The following SLC18B1 variants were observed in gnomAD, a reference collection of about 807,000 sequenced individuals.
The protein encoded by SLC18B1 is MFS-type transporter SLC18B1.
A neutral mutation model predicts 53.9 loss-of-function variants in SLC18B1; 62 were observed. That is an observed-to-expected ratio of 1.15 (90% CI 0.94 to 1.42). The LOEUF is 1.42. Ranked by LOEUF, SLC18B1 falls within the 40% of genes most tolerant of loss-of-function variation. The pLI is 0.00. For missense variants in SLC18B1, 598 were observed against 547.3 expected, an observed-to-expected ratio of 1.09 and a Z score of -0.93; for synonymous variants, 217 against 200.9, an observed-to-expected ratio of 1.08 and a Z score of -0.68.
chr6:132,772,274 A>C lies in SLC18B1; in HGVS notation c.1086-68T>G, dbSNP rs1431307944. Reference sequence around the variant, plus strand: ...CCTGTGTGAAAGAAAAAATTGTATGATAGATCAATTAAGATAAACCAAGGA... The same window carrying C: ...CCTGTGTGAAAGAAAAAATTGTATGCTAGATCAATTAAGATAAACCAAGGA... On this transcript the variant is annotated intron_variant, in intron 10 of 13. Coordinates refer to ENST00000275227, the MANE Select transcript of SLC18B1 (RefSeq NM_052831.3). 3.2e-6 allele frequency: 3 copies of C among 933,894 alleles called. No individual in the cohort carries two copies. The East Asian group carries it at 8.5e-5, about 26-fold the overall frequency. 57.9% of individuals were successfully genotyped at this position (933,894 alleles called of 1,614,324 possible).
At chr6:132,776,494 T>C in intron 7 of SLC18B1, 65 bp from the exon 8 acceptor site, 1 of 1,161,654 alleles carries the variant, frequency 8.6e-7, no homozygotes, top group Non-Finnish European at 1.3e-6. Context: ...ATCCCTCTTT[T>C]CCCTCTACCA....
intron 7 of SLC18B1, 150 bp downstream of exon 7, chr6:132,779,118 G>A (rs1171721095): frequency 1.4e-5 from 11 of 759,610 alleles, no homozygotes; most frequent in Non-Finnish European, 2.2e-5. Flanking sequence ...CACAGGGACG[G>A]TAGAGAGGGA....
intron 2 of SLC18B1, 150 bp downstream of exon 2, chr6:132,796,832 G>T: frequency 1.4e-6 from 1 of 722,980 alleles, no homozygotes. Flanking sequence ...CATTCTATAA[G>T]AAGTATTCTA....
Position 132,790,394 on chromosome 6 carries a change from G to A in SLC18B1, c.184-122C>T, listed in dbSNP as rs1474093743. 5 of 583,624 alleles carry A rather than the reference G, an allele frequency of 8.6e-6. No individual in the cohort carries two copies. The Admixed American group carries it at 1.9e-4, about 22-fold the overall frequency. 36.2% of individuals were successfully genotyped at this position (583,624 alleles called of 1,614,324 possible). ...TTTATCTGTATATCAGTTTCAAAAA[G>A]ATTATTCTTTTAAAATAAATGGGGT... On this transcript the variant is annotated intron_variant, in intron 2 of 13. Transcript: ENST00000275227.
chr6:132,798,448 C>G lies in SLC18B1; in HGVS notation c.9G>C (p.Ala3=), dbSNP rs767357183. The G allele has an allele frequency of 3.3e-6, 5 of 1,524,788 alleles. No individual in the cohort carries two copies. The highest frequency in any genetic ancestry group is 2.4e-5 in the South Asian group (2 of 81,984). The allele number at this position is 1,524,788 out of a possible 1,614,324, so 94.5% of individuals were successfully genotyped here. ...CGCGTGGTCCCTCCAGGTCACCCAG[C>G]GCCTCCATCCCCGGTGCGTGGACTC... The part of the protein sequence containing the change: ME[A]LGDLEGPRAP... Residue 3 remains alanine (A), a synonymous_variant, in exon 1 of 14, where the codon GCG becomes GCC. Transcript: ENST00000275227.
chr6:132,791,311 C>G (rs1041265174), intron 2 of SLC18B1, among the ~76,000 whole-genome samples: 1 of 152,186 alleles, frequency 6.6e-6, no homozygotes, highest in African/African-American at 2.4e-5. Flanking sequence ...CTTCATAATA[C>G]AGAAATGCAC....
intron 2 of SLC18B1, among the ~76,000 whole-genome samples, chr6:132,795,264 C>G (rs1781646242): frequency 6.6e-6 from 1 of 151,918 alleles, no homozygotes; most frequent in Non-Finnish European, 1.5e-5. Flanking sequence ...TTTTCACTCC[C>G]AAAGGGCAGA....
At chr6:132,798,334 A>T in intron 1 of SLC18B1, 80 bp downstream of exon 1, 1 of 1,396,422 alleles carries the variant, frequency 7.2e-7, no homozygotes, top group Non-Finnish European at 9.5e-7. Flanking sequence ...TCAAGCTATA[A>T]GCAATTCAAT....
At chr6:132,788,175 GAAAA>G (rs11326475) in intron 4 of SLC18B1, among the ~76,000 whole-genome samples, 1 of 112,108 alleles carries the variant, frequency 8.9e-6, no homozygotes, top group Non-Finnish European at 2.1e-5. Flanking sequence ...AAAAGAAAAA[GAAAA>G]AAAAAAAAAG....
intron 5 of SLC18B1, among the ~76,000 whole-genome samples, chr6:132,785,254 G>A (rs979771887): frequency 1.3e-5 from 2 of 152,084 alleles, no homozygotes; most frequent in African/African-American, 4.8e-5. Flanking sequence ...CAACTGATGT[G>A]TATACAAAGG....
intron 2 of SLC18B1, among the ~76,000 whole-genome samples, chr6:132,793,733 G>A (rs1236866353): frequency 1.3e-5 from 2 of 152,218 alleles, no homozygotes; most frequent in Non-Finnish European, 2.9e-5. Flanking sequence ...TCTATAACCA[G>A]ATGTACTCTT....
chr6:132,775,401 G>A (rs1244876450), intron 8 of SLC18B1, among the ~76,000 whole-genome samples: 1 of 152,096 alleles, frequency 6.6e-6, no homozygotes, highest in Non-Finnish European at 1.5e-5. Flanking sequence ...CTTGAATCAG[G>A]ACAAAAATTA....
At chr6:132,783,236 G>C (rs1174411439) in intron 6 of SLC18B1, among the ~76,000 whole-genome samples, 1 of 151,922 alleles carries the variant, frequency 6.6e-6, no homozygotes, top group Admixed American at 6.6e-5. Flanking sequence ...GAGTGCAATG[G>C]TGCGATCTCA....
In SLC18B1 at chr6:132,772,128, T is replaced by C; in HGVS notation, c.1160+4A>G. 2 of 1,510,144 alleles carry C rather than the reference T, an allele frequency of 1.3e-6. No individual in the cohort carries two copies. Among genetic ancestry groups the C allele is most frequent in the Non-Finnish European group, 1.8e-6 (2 of 1,114,194 alleles). 93.5% of individuals were successfully genotyped at this position (1,510,144 alleles called of 1,614,324 possible). On this transcript the variant is annotated splice_donor_region_variant and intron_variant, in intron 11 of 13. Coordinates refer to ENST00000275227, the MANE Select transcript of SLC18B1 (RefSeq NM_052831.3). The stretch of plus-strand genomic sequence containing the variant: ...AAAAAGAAAGAAATTAAATGACTAC[T>C]CACCCAATTGACCACATTGCACTAA...
rs1436394554 is a variant in SLC18B1, at chr6:132,797,204, T to C, written c.44-83A>G. The stretch of plus-strand genomic sequence containing the variant: ...CAAATGTGATTTCTGTGCACATATG[T>C]TGCACTCTGAAGATATCATTTGCTA... On this transcript the variant is annotated intron_variant, in intron 1 of 13. Coordinates refer to ENST00000275227, the MANE Select transcript of SLC18B1 (RefSeq NM_052831.3). 3.6e-5 allele frequency: 55 copies of C among 1,532,560 alleles called. 1 individual carries two copies. The highest frequency in any genetic ancestry group is 3.1e-4 in the South Asian group (27 of 85,770). The allele number at this position is 1,532,560 out of a possible 1,614,324, so 94.9% of individuals were successfully genotyped here.
intron 5 of SLC18B1, among the ~76,000 whole-genome samples, chr6:132,784,904 C>T (rs893446673): frequency 7.2e-5 from 11 of 152,034 alleles, no homozygotes; most frequent in African/African-American, 2.4e-4. Flanking sequence ...AGTAAGAAAG[C>T]TCCTTATATG....
At chr6:132,786,460 A>C (rs889020709) in intron 5 of SLC18B1, among the ~76,000 whole-genome samples, 1 of 151,322 alleles carries the variant, frequency 6.6e-6, no homozygotes, top group African/African-American at 2.4e-5. Context: ...GAGGCAAGAG[A>C]ATAGCGTGAA....
intron 4 of SLC18B1, among the ~76,000 whole-genome samples, chr6:132,788,110 G>A (rs933546322): frequency 2.0e-5 from 3 of 151,042 alleles, no homozygotes; most frequent in Non-Finnish European, 4.4e-5. Flanking sequence ...GCAGTGAGCC[G>A]AGATCGTGCC....
At chr6:132,789,720 C>T (rs1453262138) in intron 4 of SLC18B1, 44 bp downstream of exon 4, 1 of 1,335,262 alleles carries the variant, frequency 7.5e-7, no homozygotes, top group Non-Finnish European at 1.1e-6. Flanking sequence ...AGATACATTA[C>T]AAAATCTGTT....
Sources: allele counts gnomAD v4.1 joint callset (sites outside exome capture counted in the v4.1 genomes callset), GRCh38; gene constraint gnomAD v4.1.1; transcripts MANE v1.5; gene names NCBI Gene and HGNC (gene_info 2026-07-23, HGNC 2026-07-21).